DNAJC3: variants seen among roughly 807,000 people sequenced by gnomAD.
DNAJC3 encodes the protein DnaJ heat shock protein family (Hsp40) member C3, also known as dnaJ homolog subfamily C member 3.
A neutral mutation model predicts 68.6 loss-of-function variants in DNAJC3; 38 were observed. The observed-to-expected ratio is 0.55, with a 90% CI of 0.43 to 0.73. The LOEUF (loss-of-function observed/expected upper bound fraction) is 0.73. DNAJC3 is among the 30% of genes least tolerant of loss of function. The probability of loss-of-function intolerance (pLI) is 0.00; values close to 1 mark genes in which losing one functional copy is unlikely to be tolerated. For missense variants in DNAJC3, 526 were observed against 591.9 expected (o/e 0.89, Z 1.16); for synonymous variants, 203 against 204.0 (o/e 1.00, Z 0.04).
At chr13:95,787,179 GA>G in intron 11 of DNAJC3, 24 bp downstream of exon 11, 1 of 1,605,224 alleles carries the variant, frequency 6.2e-7, no homozygotes, top group Non-Finnish European at 8.5e-7. Context: ...TTATTCCTTT[GA>G]CTCATCCTAG....
At chr13:95,727,794 C>CA (rs1881578781) in intron 4 of DNAJC3, among the ~76,000 whole-genome samples, 2 of 152,154 alleles carry the variant, frequency 1.3e-5, no homozygotes. Context: ...TACTTTATCA[C>CA]ATGTGTTGGT....
intron 4 of DNAJC3, among the ~76,000 whole-genome samples, chr13:95,747,073 C>T (rs527954670): frequency 1.0e-3 from 159 of 152,250 alleles, no homozygotes; most frequent in African/African-American, 3.3e-3. Context: ...AAAAAAGCAA[C>T]GATAAATTTA....
intron 9 of DNAJC3, among the ~76,000 whole-genome samples, chr13:95,778,180 A>G (rs890323332): frequency 3.3e-5 from 5 of 152,216 alleles, no homozygotes; most frequent in African/African-American, 9.7e-5. Context: ...ACAAAATTAC[A>G]TGAAACCTCA....
Position 95,677,150 on chromosome 13 carries a change from G to A in DNAJC3, c.-106G>A, listed in dbSNP as rs1879772119. 8.0e-6 allele frequency: 8 copies of A among 1,003,244 alleles called. No individual in the cohort carries two copies. Among genetic ancestry groups the A allele is most frequent in the Non-Finnish European group, 1.2e-5 (8 of 689,184 alleles). 62.1% of individuals were successfully genotyped at this position (1,003,244 alleles called of 1,614,324 possible). Reference sequence around the variant, plus strand: ...CTCTGCTGGGCTCCAGAGCCACTGAGGCCTGAGCGAGAGCCGACGGCGGGC... The same window carrying A: ...CTCTGCTGGGCTCCAGAGCCACTGAAGCCTGAGCGAGAGCCGACGGCGGGC... On this transcript the variant is annotated 5_prime_UTR_variant, in exon 1 of 12. Coordinates refer to ENST00000602402, the MANE Select transcript of DNAJC3 (RefSeq NM_006260.5).
intron 9 of DNAJC3, among the ~76,000 whole-genome samples, chr13:95,764,293 T>C (rs894375899): frequency 9.2e-5 from 14 of 151,798 alleles, no homozygotes; most frequent in Non-Finnish European, 1.5e-4. Context: ...ATTTATCTTT[T>C]CCAGCTTTTA....
At chr13:95,695,475 G>T (rs1880411518) in intron 1 of DNAJC3, 1 of 152,194 alleles carries the variant, frequency 6.6e-6, no homozygotes, top group Non-Finnish European at 1.5e-5. Flanking sequence ...TATTCTAGCA[G>T]TTATTCTTGT....
At chr13:95,785,238 C>T (rs905935563) in intron 9 of DNAJC3, among the ~76,000 whole-genome samples, 8 of 151,814 alleles carry the variant, frequency 5.3e-5, no homozygotes, top group South Asian at 2.1e-4. Flanking sequence ...CTGACCAGGC[C>T]GATTTTCTTT....
intron 1 of DNAJC3, among the ~76,000 whole-genome samples, chr13:95,683,909 G>A (rs1157202844): frequency 1.4e-5 from 2 of 143,550 alleles, no homozygotes; most frequent in African/African-American, 5.2e-5. Context: ...CTCCAGCCTG[G>A]GTGACAGAGC....
chr13:95,714,801 GA>G (rs1417217716), intron 2 of DNAJC3, among the ~76,000 whole-genome samples: 2 of 152,210 alleles, frequency 1.3e-5, no homozygotes, highest in Non-Finnish European at 2.9e-5. Context: ...AATGTTTGCA[GA>G]AATGTATATA....
chr13:95,740,671 C>T (rs1015924486), intron 4 of DNAJC3, among the ~76,000 whole-genome samples: 33 of 150,308 alleles, frequency 2.2e-4, no homozygotes, highest in Non-Finnish European at 3.9e-4. Context: ...TGCTTCGGCT[C>T]GCGCACGGTG....
chr13:95,738,596 T>G (rs1882014088), intron 4 of DNAJC3, among the ~76,000 whole-genome samples: 1 of 152,214 alleles, frequency 6.6e-6, no homozygotes, highest in Non-Finnish European at 1.5e-5. Context: ...TTTGTCTCTT[T>G]TGATCTTTGT....
intron 1 of DNAJC3, among the ~76,000 whole-genome samples, chr13:95,689,511 G>A (rs1238128927): frequency 6.6e-6 from 1 of 150,846 alleles, no homozygotes; most frequent in African/African-American, 2.4e-5. Flanking sequence ...TCTAGCTAGT[G>A]GTCTGTCAAT....
At chr13:95,746,089 A>G (rs1283006827) in intron 4 of DNAJC3, among the ~76,000 whole-genome samples, 1 of 152,206 alleles carries the variant, frequency 6.6e-6, no homozygotes, top group East Asian at 1.9e-4. Context: ...TTTAGATTCC[A>G]GGGCCTGCAC....
chr13:95,710,082 A>G (rs1880906688), intron 2 of DNAJC3, among the ~76,000 whole-genome samples: 2 of 152,174 alleles, frequency 1.3e-5, no homozygotes, highest in Admixed American at 6.5e-5. Flanking sequence ...GCTGCTCTTC[A>G]TTTATACTGT....
chr13:95,774,836 C>T (rs577709419), intron 9 of DNAJC3, among the ~76,000 whole-genome samples: 7 of 152,252 alleles, frequency 4.6e-5, no homozygotes, highest in African/African-American at 1.7e-4. Flanking sequence ...TGTCTTCATT[C>T]ATTTACTTTG....
intron 1 of DNAJC3, among the ~76,000 whole-genome samples, chr13:95,708,207 A>G (rs1322071624): frequency 3.3e-5 from 5 of 152,208 alleles, no homozygotes; most frequent in Non-Finnish European, 5.9e-5. Flanking sequence ...AGTGCCCTGT[A>G]CTGACAAAGC....
intron 1 of DNAJC3, among the ~76,000 whole-genome samples, chr13:95,702,074 TA>T (rs972527485): frequency 1.2e-4 from 19 of 152,214 alleles, no homozygotes; most frequent in Non-Finnish European, 8.8e-5. Context: ...TACATGGCCC[TA>T]AATACTTTAA....
At chr13:95,765,962 A>AAAAG (rs1346595974) in intron 9 of DNAJC3, among the ~76,000 whole-genome samples, 2 of 152,130 alleles carry the variant, frequency 1.3e-5, no homozygotes, top group Non-Finnish European at 2.9e-5. Context: ...CTACATTTGC[A>AAAAG]AAAGAAAGAA....
intron 9 of DNAJC3, among the ~76,000 whole-genome samples, chr13:95,783,815 G>T (rs1458042996): frequency 6.6e-6 from 1 of 152,182 alleles, no homozygotes; most frequent in Non-Finnish European, 1.5e-5. Flanking sequence ...GAGGCTCACA[G>T]ACAATTTGAA....
Sources: allele counts gnomAD v4.1 joint callset (sites outside exome capture counted in the v4.1 genomes callset), GRCh38; gene constraint gnomAD v4.1.1; transcripts MANE v1.5; gene names NCBI Gene and HGNC (gene_info 2026-07-23, HGNC 2026-07-21).